Variants in RCCD1 observed in about 807,000 individuals in gnomAD.
The protein encoded by RCCD1 is RCC1 domain containing 1.
Under a neutral mutation model 37.6 loss-of-function variants are expected in RCCD1, and 40 were observed. The ratio of observed to expected loss-of-function variants is 1.06; its 90% CI spans 0.83 to 1.39. RCCD1 has a LOEUF of 1.39. RCCD1 is among the 40% of genes most tolerant of loss of function. The pLI is 0.00. For synonymous variants in RCCD1, 263 were observed against 230.0 expected (o/e 1.14, Z -1.30); for missense variants, 577 against 517.3 (o/e 1.12, Z -1.12).
chr15:90,961,565 A>G (rs1393743213), intron 7 of RCCD1, 53 bp from the exon 8 acceptor site: 22 of 1,563,892 alleles, frequency 1.4e-5, no homozygotes, highest in Non-Finnish European at 1.8e-5. Context: ...CTGGAGGGAA[A>G]GCAGCAGCAA....
intron 4 of RCCD1, among the ~76,000 whole-genome samples, chr15:90,958,731 C>T (rs2037254335): frequency 6.6e-6 from 1 of 151,264 alleles, no homozygotes; most frequent in South Asian, 2.1e-4. Context: ...AAACCCTGGG[C>T]TGAGCCTCGC....
rs1342725551 is a variant in RCCD1 at position 90,960,441 on chromosome 15, A to G, written c.892A>G (p.Met298Val). The change falls in exon 6 of 8, where the codon ATG becomes GTG. Residue 298 changes from methionine (M) to valine (V), a missense_variant. Physicochemically the swap from Met to Val is conservative, Grantham distance 21 (BLOSUM62 1). Transcript: ENST00000394258. ...CTTCCCGGCATTACTGGATCTCCCC[A>G]TGGGCTCAGATGCAGTCAAGGCCAG... Reference protein sequence around the residue: ...QPFPALLDLPMGSDAVKASCG... With the variant: ...QPFPALLDLPVGSDAVKASCG... The G allele has an allele frequency of 1.2e-6, 2 of 1,613,248 alleles. No homozygotes were observed. The highest frequency in any genetic ancestry group is 2.2e-5 in the East Asian group (1 of 44,886).
chr15:90,960,519 C>T, intron 6 of RCCD1, 21 bp downstream of exon 6: 2 of 1,594,812 alleles, frequency 1.3e-6, no homozygotes, highest in Non-Finnish European at 1.7e-6. Context: ...CTGGGAGGCA[C>T]TCTGCTCCAC....
At chr15:90,958,932 TGTCTA>T (rs1231096011) in intron 4 of RCCD1, among the ~76,000 whole-genome samples, 4 of 106,392 alleles carry the variant, frequency 3.8e-5, no homozygotes, top group East Asian at 4.4e-4. Context: ...AGACTCTGTC[TGTCTA>T]AAAAAAAAAA....
intron 4 of RCCD1, 53 bp from the exon 5 acceptor site, chr15:90,959,847 A>G (rs2037277335): frequency 7.2e-7 from 1 of 1,382,062 alleles, no homozygotes; most frequent in Non-Finnish European, 1.0e-6. Flanking sequence ...GAGAGTTTGG[A>G]TGGATGCAGG....
intron 5 of RCCD1, 104 bp downstream of exon 5, chr15:90,960,102 A>G: frequency 9.7e-7 from 1 of 1,034,394 alleles, no homozygotes; most frequent in Non-Finnish European, 1.4e-6. Context: ...CAGATGGAGC[A>G]TGTGAGCCCC....
In RCCD1 at chr15:90,960,391, C is replaced by T; in HGVS notation, c.842C>T (p.Pro281Leu). Residue 281 changes from proline (P) to leucine (L), a missense_variant, in exon 6 of 8, where the codon CCT (proline) becomes CTT (leucine). By Grantham distance (98) the Pro-to-Leu change is moderately conservative. Transcript: ENST00000394258. ...ACGGGTGGGGCTGAGGATGGAGCCCCTGCCCCCTTCATAGCTGTCCAGCCC... is the reference window on the plus strand; with the variant it reads ...ACGGGTGGGGCTGAGGATGGAGCCCTTGCCCCCTTCATAGCTGTCCAGCCC... ...KRTGGAEDGA[P>L]APFIAVQPFP... 6.2e-7 allele frequency: 1 copy of T among 1,613,860 alleles called. No individual in the cohort carries two copies. The highest frequency in any genetic ancestry group is 1.1e-5 in the South Asian group (1 of 91,078).
Position 90,957,452 on chromosome 15 carries a change from A to C in RCCD1, c.506A>C (p.His169Pro). The change falls in exon 3 of 8, where the codon CAC becomes CCC. Residue 169 changes from histidine (H) to proline (P), a missense_variant. By Grantham distance (77) the His-to-Pro change is moderately conservative. Coordinates refer to ENST00000394258, the MANE Select transcript of RCCD1 (RefSeq NM_001017919.2). ...CGCCAGCTGGAGCTGGGCGCCGAGC[A>C]CGCGTTGCTGCTGGACGCTGCTGGC... Reference protein sequence around the residue: ...RARQLELGAEHALLLDAAGQV... With the variant: ...RARQLELGAEPALLLDAAGQV... 1 of 1,540,388 alleles carries C rather than the reference A, an allele frequency of 6.5e-7. No homozygotes were observed. Among genetic ancestry groups the C allele is most frequent in the Non-Finnish European group, 8.7e-7 (1 of 1,146,618 alleles).
intron 1 of RCCD1, chr15:90,955,732 C>T (rs1215593392): frequency 1.3e-5 from 2 of 150,894 alleles, no homozygotes; most frequent in African/African-American, 2.4e-5. Context: ...CCGCTCCAGC[C>T]GAATCTGCTT....
At position 90,957,357 on chromosome 15, in the gene RCCD1, G is replaced by A. The variant is rs766334404; in HGVS notation, c.411G>A (p.Leu137=). 68 of 1,546,402 alleles carry A rather than the reference G, an allele frequency of 4.4e-5. 1 individual carries two copies. The South Asian group carries it at 7.7e-4, about 18-fold the overall frequency. Residue 137 remains leucine (L), a synonymous_variant, in exon 3 of 8, where the codon CTG becomes CTA. Coordinates refer to ENST00000394258, the MANE Select transcript of RCCD1 (RefSeq NM_001017919.2). ...CCCAGGCTGGGAGGCTACCCCTGCTGCCCTGCGCCCGTGCCTACGTGAGCC... is the reference window on the plus strand; with the variant it reads ...CCCAGGCTGGGAGGCTACCCCTGCTACCCTGCGCCCGTGCCTACGTGAGCC... ...GEAQAGRLPL[L]PCARAYVSPR... is the part of the protein sequence containing the mutation.
intron 1 of RCCD1, among the ~76,000 whole-genome samples, chr15:90,956,335 C>T (rs2037192688): frequency 6.6e-6 from 1 of 152,102 alleles, no homozygotes; most frequent in Non-Finnish European, 1.5e-5. Context: ...CCCAAGATTA[C>T]ATGGGATAAA....
chr15:90,956,137 C>T (rs972544582), intron 1 of RCCD1, among the ~76,000 whole-genome samples: 2 of 152,180 alleles, frequency 1.3e-5, no homozygotes, highest in Non-Finnish European at 2.9e-5. Context: ...GTCCCAAGGC[C>T]CCGCTGAGTT....
In RCCD1 at chr15:90,957,250, G is replaced by A. The variant is rs1361587914; in HGVS notation, c.304G>A (p.Glu102Lys). ...GGCGTTACTGCAGGTCTGGGCGGCC[G>A]AATCGGCGCTGCGTGGGGAGCCATT... is the stretch of plus-strand genomic sequence containing the variant. Reference protein sequence around the residue: ...PEALLQVWAAESALRGEPLWA... With the variant: ...PEALLQVWAAKSALRGEPLWA... The change falls in exon 3 of 8, where the codon GAA becomes AAA. Residue 102 changes from glutamate (E) to lysine (K), a missense_variant. Glu to Lys is a moderately conservative substitution (Grantham distance 56). Transcript: ENST00000394258. The A allele has an allele frequency of 1.4e-6, 2 of 1,474,020 alleles. No homozygotes were observed. The highest frequency in any genetic ancestry group is 1.8e-6 in the Non-Finnish European group (2 of 1,109,262). 91.3% of individuals were successfully genotyped at this position (1,474,020 alleles called of 1,614,324 possible).
At chr15:90,957,541 G>T (rs1455081396) in intron 3 of RCCD1, 38 bp downstream of exon 3, 1 of 1,604,982 alleles carries the variant, frequency 6.2e-7, no homozygotes, top group Admixed American at 1.7e-5. Context: ...CTGCTGATTG[G>T]AGAAGCAAGC....
chr15:90,957,294 G>C lies in RCCD1; in HGVS notation c.348G>C (p.Val116=). 1 of 1,530,100 alleles carries C rather than the reference G, an allele frequency of 6.5e-7. No individual in the cohort carries two copies. The highest frequency in any genetic ancestry group is 1.2e-5 in the South Asian group (1 of 82,402). The allele number at this position is 1,530,100 out of a possible 1,614,324, so 94.8% of individuals were successfully genotyped here. The change falls in exon 3 of 8, where the codon GTG becomes GTC. Residue 116 remains valine (V), a synonymous_variant. Transcript: ENST00000394258. ...RGEPLWAQNV[V]PEAEGEDDPA... is the part of the protein sequence containing the mutation. ...AGCCATTGTGGGCCCAGAATGTGGT[G>C]CCCGAGGCCGAAGGGGAAGACGATC...
chr15:90,956,714 G>A lies in RCCD1; in HGVS notation c.-21G>A, dbSNP rs1378786071. Reference sequence around the variant, plus strand: ...GGCCCGCCGCAGCCAGGCGGCGGCCGGCAGAGGGCGCTGCTCGGGCATGGC... The same window carrying A: ...GGCCCGCCGCAGCCAGGCGGCGGCCAGCAGAGGGCGCTGCTCGGGCATGGC... On this transcript the variant is annotated 5_prime_UTR_variant, in exon 2 of 8. Transcript: ENST00000394258. 3.9e-6 allele frequency: 5 copies of A among 1,274,590 alleles called. No homozygotes were observed. The highest frequency in any genetic ancestry group is 4.9e-6 in the Non-Finnish European group (5 of 1,010,672). 79.0% of individuals were successfully genotyped at this position (1,274,590 alleles called of 1,614,324 possible).
intron 7 of RCCD1, chr15:90,961,412 A>G: frequency 1.7e-6 from 1 of 588,928 alleles, no homozygotes; most frequent in East Asian, 2.8e-5. Context: ...ATAGCAGGGA[A>G]GTCTGGAGGA....
intron 6 of RCCD1, 82 bp from the exon 7 acceptor site, chr15:90,960,943 T>G: frequency 7.9e-7 from 1 of 1,271,574 alleles, no homozygotes; most frequent in Non-Finnish European, 1.2e-6. Context: ...ATATGCTAGC[T>G]GTGGGCTGTG....
At chr15:90,960,293 CAGTT>C (rs1158976916) in intron 5 of RCCD1, 31 bp from the exon 6 acceptor site, 1 of 1,561,308 alleles carries the variant, frequency 6.4e-7, no homozygotes, top group South Asian at 1.2e-5. Flanking sequence ...GCTCAGGGCT[CAGTT>C]GGTGTTCACA....
Sources: gnomAD v4.1 joint callset for allele counts (sites outside exome capture counted in the v4.1 genomes callset) on GRCh38, gnomAD v4.1.1 for gene constraint, MANE v1.5 for transcripts, NCBI Gene and HGNC (gene_info 2026-07-23, HGNC 2026-07-21) for gene names.